Variants in MYO5B observed in about 807,000 individuals in gnomAD.
MYO5B encodes unconventional myosin-Vb.
MYO5B carries 143 observed loss-of-function variants against 229.3 expected under a neutral mutation model. That is an observed-to-expected ratio of 0.62 (90% CI 0.54 to 0.72). MYO5B has a LOEUF of 0.72. Among genes scored for constraint, MYO5B ranks in the 30% least tolerant of loss-of-function variants. The pLI is 0.00. For missense variants in MYO5B, 2,321 were observed against 2,331.0 expected (o/e 1.00, Z 0.09); for synonymous variants, 918 against 885.2 (o/e 1.04, Z -0.66).
At chr18:50,031,168 G>T (rs1217105530) in intron 4 of MYO5B, among the ~76,000 whole-genome samples, 1 of 152,138 alleles carries the variant, frequency 6.6e-6, no homozygotes, top group Non-Finnish European at 1.5e-5. Flanking sequence ...AACAGATTGG[G>T]TCTAAATTCC....
intron 34 of MYO5B, among the ~76,000 whole-genome samples, chr18:49,842,302 A>G (rs188221306): frequency 7.9e-5 from 12 of 152,314 alleles, no homozygotes; most frequent in Admixed American, 7.8e-4. Context: ...AGCCACGAGC[A>G]TGCAGATATG....
At chr18:50,060,080 G>A (rs1455034067) in intron 1 of MYO5B, among the ~76,000 whole-genome samples, 1 of 152,184 alleles carries the variant, frequency 6.6e-6, no homozygotes, top group Non-Finnish European at 1.5e-5. Flanking sequence ...CGATGAAAGT[G>A]TTTTGGTAAC....
At chr18:50,027,458 A>G (rs73444740) in intron 4 of MYO5B, among the ~76,000 whole-genome samples, 1,746 of 152,296 alleles carry the variant, frequency 0.011, 33 homozygotes, top group African/African-American at 0.04. Context: ...CCTTGCTCCA[A>G]TAAAGAAATG....
intron 14 of MYO5B, among the ~76,000 whole-genome samples, chr18:49,939,155 T>C (rs866643243): frequency 3.4e-5 from 5 of 148,682 alleles, no homozygotes; most frequent in East Asian, 2.0e-4. Context: ...TTTCTTTTTT[T>C]TTTTTTTTTT....
chr18:49,982,796 T>C (rs1258365750), intron 8 of MYO5B, among the ~76,000 whole-genome samples: 1 of 152,178 alleles, frequency 6.6e-6, no homozygotes, highest in Non-Finnish European at 1.5e-5. Flanking sequence ...TGCTAACCCC[T>C]GCAATTAAAA....
chr18:49,871,841 T>G (rs1480304135), intron 27 of MYO5B, among the ~76,000 whole-genome samples: 1 of 152,258 alleles, frequency 6.6e-6, no homozygotes, highest in African/African-American at 2.4e-5. Flanking sequence ...TCTCCCTGCA[T>G]GCCAGCAGAG....
chr18:49,862,885 G>C (rs975583537), intron 29 of MYO5B, among the ~76,000 whole-genome samples: 2 of 150,632 alleles, frequency 1.3e-5, no homozygotes, highest in African/African-American at 4.9e-5. Flanking sequence ...TCTGCTGCCA[G>C]TTAGCCACCC....
intron 19 of MYO5B, among the ~76,000 whole-genome samples, chr18:49,905,133 C>T (rs181165027): frequency 3.3e-5 from 5 of 152,296 alleles, no homozygotes; most frequent in South Asian, 2.1e-4. Flanking sequence ...CCTCACTGTG[C>T]CTGGGCAGTC....
At chr18:50,175,053 T>C (rs1355806993) in intron 1 of MYO5B, among the ~76,000 whole-genome samples, 3 of 152,188 alleles carry the variant, frequency 2.0e-5, no homozygotes, top group East Asian at 1.9e-4. Context: ...CAGGACACTA[T>C]GGGGAAGTGA....
chr18:49,937,497 C>T, intron 14 of MYO5B, 100 bp from the exon 15 acceptor site: 4 of 1,394,140 alleles, frequency 2.9e-6, no homozygotes, highest in Non-Finnish European at 4.0e-6. Context: ...GAACGGAAAA[C>T]ACACATCCAC....
At chr18:50,149,480 A>G (rs2032559884) in intron 1 of MYO5B, among the ~76,000 whole-genome samples, 2 of 152,090 alleles carry the variant, frequency 1.3e-5, no homozygotes, top group Non-Finnish European at 2.9e-5. Flanking sequence ...CTGGTACCAA[A>G]AGAGAGATAT....
intron 39 of MYO5B, among the ~76,000 whole-genome samples, chr18:49,832,385 C>T (rs2046211664): frequency 6.6e-6 from 1 of 152,178 alleles, no homozygotes; most frequent in Non-Finnish European, 1.5e-5. Flanking sequence ...AACCATTGAC[C>T]TCTGAACCAT....
intron 14 of MYO5B, among the ~76,000 whole-genome samples, chr18:49,939,144 TTTTC>T (rs886994859): frequency 9.0e-5 from 12 of 133,792 alleles, no homozygotes; most frequent in African/African-American, 3.5e-4. Context: ...TCTTTCTTTT[TTTTC>T]TTTTTTTTTT....
chr18:50,104,041 A>G (rs1024148183), intron 1 of MYO5B, among the ~76,000 whole-genome samples: 2 of 149,434 alleles, frequency 1.3e-5, no homozygotes, highest in African/African-American at 4.9e-5. Context: ...GTGTGCACCT[A>G]CAGTCCTAGC....
At position 49,934,198 on chromosome 18, in the gene MYO5B, G is replaced by C. The variant is rs116420436; in HGVS notation, c.2003+2054C>G. On this transcript the variant is annotated intron_variant, in intron 16 of 39. Transcript: ENST00000285039. ...GCCCTCATCAGAATTAACAGGTAAGGAAATGAGACACAGAGAGCAAAAGAC... is the reference window on the plus strand; with the variant it reads ...GCCCTCATCAGAATTAACAGGTAAGCAAATGAGACACAGAGAGCAAAAGAC... Among the ~76,000 whole-genome samples the C allele has an allele frequency of 3.2e-3, 489 of 152,286 alleles. 2 individuals are homozygous for C. The highest frequency in any genetic ancestry group is 0.011 in the African/African-American group (446 of 41,548).
intron 1 of MYO5B, among the ~76,000 whole-genome samples, chr18:50,098,334 T>C (rs1448259183): frequency 6.6e-6 from 1 of 152,212 alleles, no homozygotes; most frequent in Admixed American, 6.5e-5. Context: ...TAGCAATCGT[T>C]GCTTTGGAGT....
At chr18:50,083,674 G>C (rs111500814) in intron 1 of MYO5B, among the ~76,000 whole-genome samples, 1 of 152,170 alleles carries the variant, frequency 6.6e-6, no homozygotes, top group Non-Finnish European at 1.5e-5. Flanking sequence ...TTAATTCAGA[G>C]CCTCAGAGGG....
chr18:50,055,186 G>T, intron 2 of MYO5B, 82 bp downstream of exon 2: 1 of 951,848 alleles, frequency 1.1e-6, no homozygotes, highest in Non-Finnish European at 1.6e-6. Flanking sequence ...AGCCCACAAT[G>T]TACTATCTAC....
intron 22 of MYO5B, among the ~76,000 whole-genome samples, chr18:49,881,932 A>T (rs2024590878): frequency 6.6e-6 from 1 of 152,206 alleles, no homozygotes; most frequent in South Asian, 2.1e-4. Flanking sequence ...TGAAATCATT[A>T]GTTGGTATAG....
Sources: allele counts gnomAD v4.1 joint callset (sites outside exome capture counted in the v4.1 genomes callset), GRCh38; gene constraint gnomAD v4.1.1; transcripts MANE v1.5; gene names NCBI Gene and HGNC (gene_info 2026-07-23, HGNC 2026-07-21).